KSR1: variants seen among roughly 807,000 people sequenced by gnomAD.
The protein encoded by KSR1 is kinase suppressor of ras 1.
KSR1 carries 35 observed loss-of-function variants against 92.9 expected under a neutral mutation model. The observed-to-expected ratio is 0.38, with a 90% CI of 0.29 to 0.50. The LOEUF (loss-of-function observed/expected upper bound fraction) is 0.50, where lower values mean the gene tolerates loss of function less well. Ranked by LOEUF, KSR1 falls within the 20% of genes least tolerant of loss-of-function variation. The pLI, the probability that KSR1 is intolerant of heterozygous loss-of-function variation, is 0.94. For synonymous variants in KSR1, 467 were observed against 472.6 expected, an observed-to-expected ratio of 0.99 and a Z score of 0.15; for missense variants, 972 against 1,158.5, an observed-to-expected ratio of 0.84 and a Z score of 2.34.
chr17:27,499,102 T>C (rs2008032), intron 1 of KSR1, among the ~76,000 whole-genome samples: 37,406 of 151,848 alleles, frequency 0.25, 4,821 homozygotes, highest in Admixed American at 0.35. Context: ...ATCAGAAGGG[T>C]TCTTGAAGAT....
intron 1 of KSR1, chr17:27,526,448 G>T: frequency 6.3e-7 from 1 of 1,577,980 alleles, no homozygotes; most frequent in Non-Finnish European, 8.6e-7. Flanking sequence ...GTAAAAGTTT[G>T]TAGTTTTTTT....
intron 1 of KSR1, among the ~76,000 whole-genome samples, chr17:27,495,961 T>C (rs1004960027): frequency 2.0e-5 from 3 of 152,252 alleles, no homozygotes; most frequent in Non-Finnish European, 4.4e-5. Flanking sequence ...GTACTGCGCA[T>C]AAGCCTCCTT....
chr17:27,529,950 T>A (rs1263450061), intron 1 of KSR1, among the ~76,000 whole-genome samples: 1 of 152,208 alleles, frequency 6.6e-6, no homozygotes, highest in African/African-American at 2.4e-5. Context: ...GGGTCATTCA[T>A]TTCTGTGTTG....
At chr17:27,617,601 C>T in intron 19 of KSR1, 173 bp downstream of exon 19, 1 of 704,578 alleles carries the variant, frequency 1.4e-6, no homozygotes, top group South Asian at 2.1e-5. Context: ...GATCTCAGCT[C>T]ACTGCAGCCT....
At chr17:27,478,112 C>G (rs2068399795) in intron 1 of KSR1, among the ~76,000 whole-genome samples, 1 of 152,172 alleles carries the variant, frequency 6.6e-6, no homozygotes, top group Non-Finnish European at 1.5e-5. Flanking sequence ...CCTTTTTACC[C>G]AGAAATTCCA....
chr17:27,582,965 C>G lies in KSR1; in HGVS notation c.840C>G (p.His280Gln). Residue 280 changes from histidine (H) to glutamine (Q), a missense_variant, in exon 4 of 21, where the codon CAC becomes CAG. Coordinates refer to ENST00000644974, the MANE Select transcript of KSR1 (RefSeq NM_001394583.1). ...CCACCACACCCCAGCTGCGACGGCACACCAAGCTGAAGCCACCACGGACGC... is the reference window on the plus strand; with the variant it reads ...CCACCACACCCCAGCTGCGACGGCAGACCAAGCTGAAGCCACCACGGACGC... The part of the protein sequence containing the change: ...TPPTTPQLRR[H>Q]TKLKPPRTPP... The G allele has an allele frequency of 6.2e-7, 1 of 1,608,444 alleles. No homozygotes were observed. Among genetic ancestry groups the G allele is most frequent in the Non-Finnish European group, 8.5e-7 (1 of 1,177,062 alleles).
rs370435820 is a variant in KSR1, at chr17:27,499,861, A to C, written c.231+42987A>C. Among the ~76,000 whole-genome samples, 5 of 152,324 alleles carry C rather than the reference A, an allele frequency of 3.3e-5. No individual in the cohort carries two copies. In the East Asian group the frequency reaches 9.7e-4, roughly 29 times the overall value. ...GGGGTGTACGAGGCCTTCTGTTTGG[A>C]AGGGTGTCAAAGGGAGTTTGTTGCA... is the stretch of plus-strand genomic sequence containing the variant. On this transcript the variant is annotated intron_variant, in intron 1 of 20. Transcript: ENST00000644974.
chr17:27,496,422 C>T (rs1337923824), intron 1 of KSR1, among the ~76,000 whole-genome samples: 1 of 152,102 alleles, frequency 6.6e-6, no homozygotes, highest in African/African-American at 2.4e-5. Flanking sequence ...ATTTGCCGCC[C>T]CCTTTCTCTA....
At position 27,601,253 on chromosome 17, in the gene KSR1, C is replaced by T. The variant is rs2151218921; in HGVS notation, c.1469-107C>T. On this transcript the variant is annotated intron_variant, in intron 10 of 20. Coordinates refer to ENST00000644974, the MANE Select transcript of KSR1 (RefSeq NM_001394583.1). ...AGGTCCATCTGGGGTAGGGCTGTCCCAGCCCAGTAACAAGTCCCTGCCTCC... is the reference window on the plus strand; with the variant it reads ...AGGTCCATCTGGGGTAGGGCTGTCCTAGCCCAGTAACAAGTCCCTGCCTCC... 4.2e-6 allele frequency: 4 copies of T among 960,038 alleles called. No homozygotes were observed. The East Asian group carries it at 1.0e-4, about 24-fold the overall frequency. The allele number at this position is 960,038 out of a possible 1,614,324, so 59.5% of individuals were successfully genotyped here. A position where few individuals can be genotyped will look rare whatever the true frequency, so the allele number is the denominator to read the frequency against.
chr17:27,584,130 C>A, intron 4 of KSR1: 1 of 293,126 alleles, frequency 3.4e-6, no homozygotes, highest in Non-Finnish European at 5.1e-6. Flanking sequence ...CCTTGGGTGC[C>A]TCTTACCTTC....
chr17:27,491,403 T>G (rs1597872253), intron 1 of KSR1, among the ~76,000 whole-genome samples: 1 of 151,904 alleles, frequency 6.6e-6, no homozygotes, highest in East Asian at 1.9e-4. Flanking sequence ...TTGCCCAGGC[T>G]GGTCTTGAAC....
chr17:27,462,908 A>G (rs2019516619), intron 1 of KSR1, among the ~76,000 whole-genome samples: 4 of 152,224 alleles, frequency 2.6e-5, no homozygotes, highest in Admixed American at 1.3e-4. Flanking sequence ...GTATCAGCAC[A>G]TATACATATG....
rs73983665 is a variant in KSR1, at chr17:27,604,757, T to C, written c.1614+29T>C. The C allele has an allele frequency of 7.8e-4, 1,255 of 1,611,658 alleles. 10 individuals carry two copies. In the African/African-American group the frequency reaches 0.015, roughly 19 times the overall value. On this transcript the variant is annotated intron_variant, in intron 13 of 20. Coordinates refer to ENST00000644974, the MANE Select transcript of KSR1 (RefSeq NM_001394583.1). ...AGGGTGACACACACGTGTCCACAGA[T>C]GGCCCCCCCTCTTTTTTCCCTTCCC... is the stretch of plus-strand genomic sequence containing the variant.
intron 2 of KSR1, among the ~76,000 whole-genome samples, chr17:27,567,178 T>C (rs2072109777): frequency 6.6e-6 from 1 of 152,180 alleles, no homozygotes. Context: ...AAAGGGAAAA[T>C]ACTTCAAGAA....
intron 1 of KSR1, among the ~76,000 whole-genome samples, chr17:27,491,348 TGTGTTG>T (rs2068823700): frequency 2.6e-5 from 1 of 38,132 alleles, no homozygotes; most frequent in African/African-American, 9.0e-5. Context: ...TGTGTGTGTG[TGTGTTG>T]GGGGTGGGGT....
intron 1 of KSR1, chr17:27,526,774 T>A: frequency 8.7e-7 from 1 of 1,152,808 alleles, no homozygotes; most frequent in Non-Finnish European, 1.3e-6. Flanking sequence ...CGCACAGTTC[T>A]CTATTTGAAA....
intron 1 of KSR1, chr17:27,465,402 C>T (rs554095494): frequency 6.6e-6 from 1 of 152,080 alleles, no homozygotes; most frequent in African/African-American, 2.4e-5. Context: ...TGTTTAAGGC[C>T]GGGCACAGTG....
intron 11 of KSR1, chr17:27,601,791 G>A: frequency 1.2e-6 from 1 of 818,540 alleles, no homozygotes; most frequent in East Asian, 2.7e-5. Flanking sequence ...ACAATGATGG[G>A]AGGATATCTT....
intron 1 of KSR1, among the ~76,000 whole-genome samples, chr17:27,546,331 G>A (rs1044620297): frequency 6.6e-6 from 1 of 152,222 alleles, no homozygotes; most frequent in Non-Finnish European, 1.5e-5. Context: ...AGTTGAATAT[G>A]AGCTAGGTGT....
Sources: allele counts gnomAD v4.1 joint callset (sites outside exome capture counted in the v4.1 genomes callset), GRCh38; gene constraint gnomAD v4.1.1; transcripts MANE v1.5; gene names NCBI Gene and HGNC (gene_info 2026-07-23, HGNC 2026-07-21).